Variants in AGAP1 observed in about 807,000 individuals in gnomAD.
AGAP1 encodes ArfGAP with GTPase domain, ankyrin repeat and PH domain 1, also known as arf-GAP with GTPase, ANK repeat and PH domain-containing protein 1.
AGAP1 carries 29 observed loss-of-function variants against 105.3 expected under a neutral mutation model. The ratio of observed to expected loss-of-function variants is 0.28; its 90% confidence interval spans 0.21 to 0.38. The LOEUF (loss-of-function observed/expected upper bound fraction) is 0.38, where lower values mean the gene tolerates loss of function less well. AGAP1 is among the 10% of genes least tolerant of loss of function. The pLI is 1.00. For missense variants in AGAP1, 998 were observed against 1,165.1 expected, an observed-to-expected ratio of 0.86 and a Z score of 2.09; for synonymous variants, 509 against 485.9, an observed-to-expected ratio of 1.05 and a Z score of -0.63.
chr2:235,519,222 A>G (rs1427767170), intron 1 of AGAP1, among the ~76,000 whole-genome samples: 1 of 152,000 alleles, frequency 6.6e-6, no homozygotes, highest in Non-Finnish European at 1.5e-5. Flanking sequence ...ACAGGCGCAC[A>G]CCACCACACC....
intron 1 of AGAP1, among the ~76,000 whole-genome samples, chr2:235,518,183 C>T (rs1176735107): frequency 6.6e-6 from 1 of 152,142 alleles, no homozygotes; most frequent in Non-Finnish European, 1.5e-5. Flanking sequence ...GCATTGGTTT[C>T]ACTGTGTTGT....
At position 235,959,273 on chromosome 2, in the gene AGAP1, A is replaced by C. The variant is rs920368062; in HGVS notation, c.1484-9189A>C. 5.3e-5 allele frequency among the ~76,000 whole-genome samples: 8 copies of C among 152,234 alleles called. No homozygotes were observed. The highest frequency in any genetic ancestry group is 1.9e-4 in the African/African-American group (8 of 41,540). ...GCGCTCCGTGGGCCGGCTGGAGCTC[A>C]TTTACAGTGTCTCAGGCGGGGCTTT... On this transcript the variant is annotated intron_variant, in intron 12 of 17. Transcript: ENST00000304032. The surrounding 1 kb of genome is among the most constrained non-coding windows in gnomAD (Gnocchi z 7.3).
chr2:235,773,344 G>A (rs1205516436), intron 6 of AGAP1, among the ~76,000 whole-genome samples: 7 of 152,174 alleles, frequency 4.6e-5, no homozygotes, highest in African/African-American at 1.2e-4. Flanking sequence ...TGAAGATTTG[G>A]CCTACGGTCA....
chr2:235,776,744 T>G (rs1012091577), intron 6 of AGAP1, among the ~76,000 whole-genome samples: 1 of 152,172 alleles, frequency 6.6e-6, no homozygotes, highest in Non-Finnish European at 1.5e-5. Flanking sequence ...TTGCACACCT[T>G]GTACTCCAGG....
At position 235,753,259 on chromosome 2, in the gene AGAP1, ATTAG is replaced by A. The variant is rs984772445; in HGVS notation, c.673+2774_673+2777del. Among the ~76,000 whole-genome samples the A allele has an allele frequency of 3.6e-4, 55 of 152,322 alleles. No homozygotes were observed. The highest frequency in any genetic ancestry group is 6.5e-4 in the Admixed American group (10 of 15,306). On this transcript the variant is annotated intron_variant, in intron 6 of 17. Transcript: ENST00000304032. The surrounding 1 kb of genome is among the most constrained non-coding windows in gnomAD (Gnocchi z 4.5). ...AGAATAAGGACTGATATTTCTAAAT[ATTAG>A]TTTAAAATATTCAGAAAAAGCGTTT...
At position 235,799,484 on chromosome 2, in the gene AGAP1, G is replaced by T; in HGVS notation, c.919G>T (p.Val307Phe). ...TCCCACTGCCAACACGCCCACGCCC[G>T]TTCGCAAGCAGTCTAAGCGCCGGTC... ...VPPTANTPTPVRKQSKRRSNL... is the reference protein window; with the variant it reads ...VPPTANTPTPFRKQSKRRSNL... The change falls in exon 8 of 18, where the codon GTT becomes TTT. Residue 307 changes from valine to phenylalanine, a missense_variant. By Grantham distance (50) the Val-to-Phe change is conservative (BLOSUM62 -1). Coordinates refer to ENST00000304032, the MANE Select transcript of AGAP1 (RefSeq NM_001037131.3). This position sits in a 1 kb window ranked among gnomAD's most constrained non-coding sequence, Gnocchi z 5.0. The T allele has an allele frequency of 6.2e-7, 1 of 1,614,184 alleles. No homozygotes were observed. The highest frequency in any genetic ancestry group is 8.5e-7 in the Non-Finnish European group (1 of 1,180,030).
chr2:235,631,661 G>A lies in AGAP1; in HGVS notation c.164-77518G>A, dbSNP rs1425766958. 6.6e-6 allele frequency among the ~76,000 whole-genome samples: 1 copy of A among 152,216 alleles called. No individual in the cohort carries two copies. The highest frequency in any genetic ancestry group is 1.5e-5 in the Non-Finnish European group (1 of 68,036). On this transcript the variant is annotated intron_variant, in intron 1 of 17. Transcript: ENST00000304032. The surrounding 1 kb of genome is among the most constrained non-coding windows in gnomAD (Gnocchi z 5.4). ...TGGGCAAGTTGGTTAACCTCTCTGT[G>A]CTTAGGTGACCTTCGATGGCACGGG... is the stretch of plus-strand genomic sequence containing the variant.
rs1447422872 is a variant in AGAP1, at chr2:235,988,240, A to G, written c.1645+19617A>G. Among the ~76,000 whole-genome samples, 1 of 152,062 alleles carries G rather than the reference A, an allele frequency of 6.6e-6. No homozygotes were observed. Among genetic ancestry groups the G allele is most frequent in the Non-Finnish European group, 1.5e-5 (1 of 68,018 alleles). On this transcript the variant is annotated intron_variant, in intron 13 of 17. Coordinates refer to ENST00000304032, the MANE Select transcript of AGAP1 (RefSeq NM_001037131.3). This position sits in a 1 kb window ranked among gnomAD's most constrained non-coding sequence, Gnocchi z 4.7. ...GTGTTTTTAGTAGAGACAGGGCTTC[A>G]CCCTGTTGGCCAGGCTGGTCTTGAA...
At chr2:235,896,298 T>C (rs2050803848) in intron 10 of AGAP1, among the ~76,000 whole-genome samples, 1 of 152,230 alleles carries the variant, frequency 6.6e-6, no homozygotes, top group South Asian at 2.1e-4. Context: ...TGTTTGAGGC[T>C]GAGTAATATT....
At chr2:235,560,398 TAGAC>T (rs918465943) in intron 1 of AGAP1, among the ~76,000 whole-genome samples, 2 of 151,988 alleles carry the variant, frequency 1.3e-5, no homozygotes, top group African/African-American at 4.8e-5. Flanking sequence ...CCTACTGTGG[TAGAC>T]AGAAAAATGG....
chr2:235,836,835 G>C (rs893549110), intron 9 of AGAP1, among the ~76,000 whole-genome samples: 3 of 152,160 alleles, frequency 2.0e-5, no homozygotes, highest in Non-Finnish European at 2.9e-5. Flanking sequence ...AGAGCCACAG[G>C]GGCACAGACA....
chr2:235,821,339 C>T (rs113469602), intron 9 of AGAP1, among the ~76,000 whole-genome samples: 95 of 151,212 alleles, frequency 6.3e-4, no homozygotes, highest in African/African-American at 1.7e-3. Context: ...TGAATAGGAA[C>T]GCAGTAACAA....
At position 235,633,059 on chromosome 2, in the gene AGAP1, TG is replaced by T. The variant is rs1946879384; in HGVS notation, c.164-76119del. ...TTGGTGGGCTTTTGAGTTCTGCTTT[TG>T]CTTGAACTTCTAGCGGCAGAAAGGG... On this transcript the variant is annotated intron_variant, in intron 1 of 17. Transcript: ENST00000304032. The surrounding 1 kb of genome is among the most constrained non-coding windows in gnomAD (Gnocchi z 4.8). 6.6e-6 allele frequency among the ~76,000 whole-genome samples: 1 copy of T among 152,158 alleles called. No individual in the cohort carries two copies. The highest frequency in any genetic ancestry group is 6.5e-5 in the Admixed American group (1 of 15,288).
intron 9 of AGAP1, among the ~76,000 whole-genome samples, chr2:235,840,661 G>T (rs1194784028): frequency 2.0e-5 from 3 of 152,192 alleles, no homozygotes; most frequent in African/African-American, 7.2e-5. Flanking sequence ...AGAGTTGGGG[G>T]CTGCAGGAAT....
chr2:235,917,569 A>G (rs561637285), intron 11 of AGAP1, among the ~76,000 whole-genome samples: 62 of 152,200 alleles, frequency 4.1e-4, no homozygotes, highest in African/African-American at 1.5e-3. Context: ...CCGCCGTGAC[A>G]GGGACCGGGG....
intron 12 of AGAP1, among the ~76,000 whole-genome samples, chr2:235,950,781 C>T (rs1379022781): frequency 2.0e-5 from 3 of 152,004 alleles, no homozygotes; most frequent in African/African-American, 7.3e-5. Context: ...AGCAATTTTC[C>T]CTAAAGATCA....
intron 13 of AGAP1, among the ~76,000 whole-genome samples, chr2:236,019,154 C>T (rs1314669075): frequency 6.6e-6 from 1 of 152,220 alleles, no homozygotes. Context: ...TACAGGCCCA[C>T]ATCTGAGAAT....
chr2:235,626,443 G>A (rs1335356031), intron 1 of AGAP1, among the ~76,000 whole-genome samples: 2 of 152,200 alleles, frequency 1.3e-5, no homozygotes, highest in Non-Finnish European at 2.9e-5. Context: ...TAAGGTCTGG[G>A]TGCAGTGCAT....
At chr2:236,004,216 C>T (rs2056237413) in intron 13 of AGAP1, among the ~76,000 whole-genome samples, 1 of 152,134 alleles carries the variant, frequency 6.6e-6, no homozygotes, top group Non-Finnish European at 1.5e-5. Context: ...GAGTTTAGAC[C>T]TTCCCAGGGG....
Sources: allele counts gnomAD v4.1 joint callset (sites outside exome capture counted in the v4.1 genomes callset), GRCh38; gene constraint gnomAD v4.1.1; non-coding constraint Gnocchi (gnomAD v3.1); transcripts MANE v1.5; gene names NCBI Gene and HGNC (gene_info 2026-07-23, HGNC 2026-07-21).